POTEC: variants seen among roughly 807,000 people sequenced by gnomAD.
The protein encoded by POTEC is ANKRD26-like family B member 2.
POTEC carries 35 observed loss-of-function variants against 62.0 expected under a neutral mutation model. The ratio of observed to expected loss-of-function variants is 0.56; its 90% CI spans 0.43 to 0.75. The LOEUF (loss-of-function observed/expected upper bound fraction) is 0.75. Among genes scored for constraint, POTEC ranks in the 30% least tolerant of loss-of-function variants. The pLI is 0.00. For synonymous variants in POTEC, 156 were observed against 221.5 expected (o/e 0.70, Z 2.62); for missense variants, 472 against 655.9 (o/e 0.72, Z 3.06).
At position 14,525,041 on chromosome 18, in the gene POTEC, T is replaced by C. The variant is rs575037984; in HGVS notation, c.1127-58A>G. 1.8e-5 allele frequency: 29 copies of C among 1,577,112 alleles called. No individual in the cohort carries two copies. The East Asian group carries it at 3.4e-4, about 18-fold the overall frequency. The stretch of plus-strand genomic sequence containing the variant: ...AACCACTTAGAACAGTTAAAAACTA[T>C]TGCCTTTATAAAAACAGATTGAAGA... On this transcript the variant is annotated intron_variant, in intron 6 of 10. Transcript: ENST00000358970.
rs1454144228 is a variant in POTEC, at chr18:14,511,349, T to C, written c.*549A>G. The C allele has an allele frequency of 8.3e-6, 2 of 241,328 alleles. No individual in the cohort carries two copies. 14.9% of individuals were successfully genotyped at this position (241,328 alleles called of 1,614,324 possible). ...TATGCCACAGGATCTCTTCTGCCCCTGGTGGGTTTGTACTCTCCAAAGCCC... is the reference window on the plus strand; with the variant it reads ...TATGCCACAGGATCTCTTCTGCCCCCGGTGGGTTTGTACTCTCCAAAGCCC... On this transcript the variant is annotated 3_prime_UTR_variant, in exon 11 of 11. Transcript: ENST00000358970.
chr18:14,530,350 A>T, intron 6 of POTEC, 133 bp downstream of exon 6: 1 of 1,217,002 alleles, frequency 8.2e-7, no homozygotes, highest in Non-Finnish European at 1.1e-6. Context: ...TAAATGAAAC[A>T]TGGCTGAATA....
At position 14,507,823 on chromosome 18, in the gene POTEC, TCCTTCA is replaced by T. The variant is rs754954276; in HGVS notation, c.*4069_*4074del. ...GCTTGTCTGAAAACGATCTTGTTTC[TCCTTCA>T]CTTATGATGCTTAATTTTGCTGGAC... is the stretch of plus-strand genomic sequence containing the variant. On this transcript the variant is annotated 3_prime_UTR_variant, in exon 11 of 11. Transcript: ENST00000358970. The T allele has an allele frequency of 3.3e-5, 5 of 152,250 alleles. No individual in the cohort carries two copies. The highest frequency in any genetic ancestry group is 4.8e-5 in the African/African-American group (2 of 41,470). 9.4% of individuals were successfully genotyped at this position (152,250 alleles called of 1,614,324 possible). A position where few individuals can be genotyped will look rare whatever the true frequency, so the allele number is the denominator to read the frequency against.
Position 14,511,873 on chromosome 18 carries a change from A to G in POTEC, c.*25T>C. 1 of 1,610,864 alleles carries G rather than the reference A, an allele frequency of 6.2e-7. No individual in the cohort carries two copies. On this transcript the variant is annotated 3_prime_UTR_variant, in exon 11 of 11. Transcript: ENST00000358970. ...TTCCTCCAAAATTTTATTTTCCCTTAGCTGGTTCTGATGTTTTGTTTCATC... is the reference window on the plus strand; with the variant it reads ...TTCCTCCAAAATTTTATTTTCCCTTGGCTGGTTCTGATGTTTTGTTTCATC...
At chr18:14,527,303 G>T (rs1312717458) in intron 6 of POTEC, among the ~76,000 whole-genome samples, 4 of 152,250 alleles carry the variant, frequency 2.6e-5, no homozygotes, top group South Asian at 2.1e-4. Flanking sequence ...ACAGAAAAAT[G>T]CCCTGCTAAA....
intron 6 of POTEC, among the ~76,000 whole-genome samples, chr18:14,529,709 A>G (rs1167484149): frequency 1.3e-5 from 2 of 152,122 alleles, no homozygotes; most frequent in Non-Finnish European, 2.9e-5. Flanking sequence ...TAACAAAATT[A>G]CTGTTATCAA....
intron 5 of POTEC, among the ~76,000 whole-genome samples, chr18:14,532,144 A>G (rs1905543978): frequency 6.6e-6 from 1 of 151,920 alleles, no homozygotes; most frequent in Non-Finnish European, 1.5e-5. Context: ...TTTCTGCCAC[A>G]TTATTTGAAC....
At chr18:14,539,828 T>C (rs1905873100) in intron 1 of POTEC, among the ~76,000 whole-genome samples, 1 of 152,200 alleles carries the variant, frequency 6.6e-6, no homozygotes, top group Non-Finnish European at 1.5e-5. Flanking sequence ...ATTTTGATTC[T>C]CTCAGCTTGC....
intron 3 of POTEC, among the ~76,000 whole-genome samples, chr18:14,535,270 G>T (rs1182236229): frequency 6.3e-5 from 9 of 143,592 alleles, no homozygotes; most frequent in Non-Finnish European, 1.5e-5. Flanking sequence ...CGAGCATTTG[G>T]CATGGCACTT....
At chr18:14,520,804 A>G (rs974192409) in intron 9 of POTEC, among the ~76,000 whole-genome samples, 2 of 152,024 alleles carry the variant, frequency 1.3e-5, no homozygotes, top group African/African-American at 4.8e-5. Flanking sequence ...ATGCTTATTC[A>G]CTTTACAGTC....
chr18:14,530,257 G>C (rs1421596901), intron 6 of POTEC, among the ~76,000 whole-genome samples: 2 of 151,828 alleles, frequency 1.3e-5, no homozygotes, highest in African/African-American at 2.4e-5. Flanking sequence ...TAAGCTCAGA[G>C]TTTCCACGGA....
chr18:14,512,344 A>G (rs1910031676), intron 10 of POTEC, among the ~76,000 whole-genome samples: 1 of 152,210 alleles, frequency 6.6e-6, no homozygotes, highest in Admixed American at 6.5e-5. Context: ...TAACCTATAA[A>G]CCACACCATC....
In POTEC at chr18:14,537,897, A is replaced by T; in HGVS notation, c.714T>A (p.Tyr238Ter). 1.9e-6 allele frequency: 3 copies of T among 1,612,502 alleles called. No homozygotes were observed. The highest frequency in any genetic ancestry group is 2.5e-6 in the Non-Finnish European group (3 of 1,179,800). Residue 238 changes from tyrosine (Y) to a stop codon, truncating the protein, a stop_gained, in exon 3 of 11, where the codon TAT (tyrosine) becomes TAA (stop). Coordinates refer to ENST00000358970, the MANE Select transcript of POTEC (RefSeq NM_001137671.2). LOFTEE classifies it high-confidence loss of function. ...CAGCATAGTGTAGAGTGGTATTTCC[A>T]TACTCATCTGGAATATTTTGATCAG... ...HGADQNIPDE[Y>*]GNTTLHYAVH...
At chr18:14,516,298 T>TTATA (rs200611192) in intron 9 of POTEC, among the ~76,000 whole-genome samples, 1,542 of 25,014 alleles carry the variant, frequency 0.062, 200 homozygotes, top group East Asian at 0.071. Context: ...AAAGAAAATT[T>TTATA]TATATATATA....
rs1906031635 is a variant in POTEC, at chr18:14,543,374, C to T, written c.-228G>A. The T allele has an allele frequency of 1.4e-6, 1 of 696,896 alleles. No homozygotes were observed. The highest frequency in any genetic ancestry group is 2.4e-6 in the Non-Finnish European group (1 of 418,488). 43.2% of individuals were successfully genotyped at this position (696,896 alleles called of 1,614,324 possible). A position where few individuals can be genotyped will look rare whatever the true frequency, so the allele number is the denominator to read the frequency against. On this transcript the variant is annotated 5_prime_UTR_variant, in exon 1 of 11. Coordinates refer to ENST00000358970, the MANE Select transcript of POTEC (RefSeq NM_001137671.2). ...CACCAGGGGGACCCAACGCCCACCC[C>T]AGGAAAGGCCAAGCCCCCCCTCCCA...
chr18:14,514,244 A>G (rs901416422), intron 9 of POTEC, among the ~76,000 whole-genome samples: 4 of 151,852 alleles, frequency 2.6e-5, no homozygotes, highest in South Asian at 2.1e-4. Flanking sequence ...GCAGCTTGCA[A>G]TAGGGTTCAA....
Position 14,511,936 on chromosome 18 carries a change from C to A in POTEC, c.1591G>T (p.Glu531Ter). ...CCAGAAATTAGCATGGCAATTTCTTCCTGCAACATGCTGTTTTCACGCAAG... is the reference window on the plus strand; with the variant it reads ...CCAGAAATTAGCATGGCAATTTCTTACTGCAACATGCTGTTTTCACGCAAG... ...DLLRENSMLQ[E>*]EIAMLISGDW... is the part of the protein sequence containing the mutation. Residue 531 changes from glutamate to a stop codon, truncating the protein, a stop_gained, in exon 11 of 11, where the codon GAA becomes TAA. Coordinates refer to ENST00000358970, the MANE Select transcript of POTEC (RefSeq NM_001137671.2). LOFTEE classifies it high-confidence loss of function. The A allele has an allele frequency of 6.2e-7, 1 of 1,613,846 alleles. No homozygotes were observed.
intron 1 of POTEC, among the ~76,000 whole-genome samples, chr18:14,538,502 C>T (rs1406652168): frequency 1.3e-5 from 2 of 152,090 alleles, no homozygotes; most frequent in Non-Finnish European, 2.9e-5. Context: ...GAAGCTCTGT[C>T]GCTTCCTAGC....
chr18:14,535,105 A>T (rs982174856), intron 3 of POTEC, 98 bp from the exon 4 acceptor site: 106 of 1,552,042 alleles, frequency 6.8e-5, no homozygotes, highest in Non-Finnish European at 8.5e-5. Context: ...ACAGAAAGTA[A>T]ATAAAATTTG....
Sources: allele counts gnomAD v4.1 joint callset (sites outside exome capture counted in the v4.1 genomes callset), GRCh38; gene constraint gnomAD v4.1.1; transcripts MANE v1.5; gene names NCBI Gene and HGNC (gene_info 2026-07-23, HGNC 2026-07-21).